The following PPP2R2B variants were observed in gnomAD, a reference collection of about 807,000 sequenced individuals.
PPP2R2B encodes protein phosphatase 2 regulatory subunit Bbeta, also known as serine/threonine-protein phosphatase 2A 55 kDa regulatory subunit B beta isoform.
Under a neutral mutation model 46.0 loss-of-function variants are expected in PPP2R2B, and 5 were observed. That is an observed-to-expected ratio of 0.11 (90% CI 0.06 to 0.23). The LOEUF (loss-of-function observed/expected upper bound fraction) is 0.23. Among genes scored for constraint, PPP2R2B ranks in the 10% least tolerant of loss-of-function variants. PPP2R2B has a pLI of 1.00. For synonymous variants in PPP2R2B, 215 were observed against 206.7 expected, an observed-to-expected ratio of 1.04 and a Z score of -0.34; for missense variants, 367 against 575.0, an observed-to-expected ratio of 0.64 and a Z score of 3.70.
chr5:146,723,575 C>T lies in PPP2R2B; in HGVS notation c.71-22433G>A, dbSNP rs117170550. ...AATGCTCGTTATTGTGAGTAATTAA[C>T]ACCTCAGAATAAACACATGAATCCT... On this transcript the variant is annotated intron_variant, in intron 2 of 9. Transcript: ENST00000394411. Among the ~76,000 whole-genome samples the T allele has an allele frequency of 1.0e-3, 153 of 152,218 alleles. 1 individual carries two copies. In the East Asian group the frequency reaches 0.015, roughly 15 times the overall value.
At chr5:147,053,248 CAAACA>C (rs369522871) in intron 1 of PPP2R2B, among the ~76,000 whole-genome samples, 76 of 146,190 alleles carry the variant, frequency 5.2e-4, no homozygotes, top group Middle Eastern at 3.8e-3. Flanking sequence ...ACAAAAAAAG[CAAACA>C]AAACAAAACA....
In PPP2R2B at chr5:146,734,679, C is replaced by G. The variant is rs1249703445; in HGVS notation, c.71-33537G>C. On this transcript the variant is annotated intron_variant, in intron 2 of 9. Transcript: ENST00000394411. ...TGTCTGTCCTCGTGAGACTGAGATGCAGCATCTTTCAAACTGAGACCCTCT... is the reference window on the plus strand; with the variant it reads ...TGTCTGTCCTCGTGAGACTGAGATGGAGCATCTTTCAAACTGAGACCCTCT... Among the ~76,000 whole-genome samples the G allele has an allele frequency of 2.6e-5, 4 of 152,252 alleles. No homozygotes were observed. In the East Asian group the frequency reaches 7.7e-4, roughly 29 times the overall value.
chr5:146,928,315 C>T (rs1763853485), intron 1 of PPP2R2B, among the ~76,000 whole-genome samples: 2 of 151,996 alleles, frequency 1.3e-5, no homozygotes, highest in South Asian at 2.1e-4. Context: ...CAAACTCCAA[C>T]TCTCTACATG....
At chr5:147,039,909 C>T (rs142333123) in intron 1 of PPP2R2B, among the ~76,000 whole-genome samples, 111 of 152,184 alleles carry the variant, frequency 7.3e-4, no homozygotes, top group African/African-American at 2.4e-3. Flanking sequence ...AACAAATGGC[C>T]CAACACTAAA....
At chr5:146,812,369 CTGTT>C in intron 2 of PPP2R2B, among the ~76,000 whole-genome samples, 1 of 147,418 alleles carries the variant, frequency 6.8e-6, no homozygotes, top group East Asian at 2.1e-4. Context: ...TAGTACTTAT[CTGTT>C]TGTTTATGTT....
chr5:147,019,052 A>G (rs1210120478), intron 1 of PPP2R2B, among the ~76,000 whole-genome samples: 1 of 152,186 alleles, frequency 6.6e-6, no homozygotes, highest in Non-Finnish European at 1.5e-5. Context: ...ATGTTCAGAG[A>G]GGTCAGTATT....
intron 1 of PPP2R2B, among the ~76,000 whole-genome samples, chr5:146,924,499 C>G (rs950693823): frequency 2.0e-5 from 3 of 151,852 alleles, no homozygotes; most frequent in African/African-American, 7.2e-5. Context: ...TAAGAAAGGA[C>G]AGGACAACAG....
Position 146,638,378 on chromosome 5 carries a change from G to A in PPP2R2B, c.663C>T (p.Leu221=). The change falls in exon 7 of 10, where the codon CTC becomes CTT. Residue 221 remains leucine, a synonymous_variant. Transcript: ENST00000394411. The part of the protein sequence containing the change: ...VDIKPANMEE[L]TEVITAAEFH... Reference sequence around the variant, plus strand: ...ACTCGGCTGCTGTGATCACCTCCGTGAGCTCCTCCATGTTGGCTGGCTTAA... The same window carrying A: ...ACTCGGCTGCTGTGATCACCTCCGTAAGCTCCTCCATGTTGGCTGGCTTAA... 1.9e-6 allele frequency: 3 copies of A among 1,612,078 alleles called. No homozygotes were observed. Among genetic ancestry groups the A allele is most frequent in the Non-Finnish European group, 2.5e-6 (3 of 1,178,390 alleles).
At chr5:146,650,182 T>C (rs1775863300) in intron 6 of PPP2R2B, among the ~76,000 whole-genome samples, 2 of 152,158 alleles carry the variant, frequency 1.3e-5, no homozygotes, top group African/African-American at 4.8e-5. Context: ...ATGTCTGTGG[T>C]CCATGCTGTC....
chr5:146,882,632 T>C (rs918250698), upstream of PPP2R2B, among the ~76,000 whole-genome samples: 4 of 152,212 alleles, frequency 2.6e-5, no homozygotes, highest in African/African-American at 9.6e-5. Context: ...TTTACTTTCG[T>C]CATCATCACC....
At chr5:146,693,416 T>C (rs1778997456) in intron 4 of PPP2R2B, among the ~76,000 whole-genome samples, 1 of 152,046 alleles carries the variant, frequency 6.6e-6, no homozygotes, top group East Asian at 1.9e-4. Flanking sequence ...GATTTTTTCA[T>C]GTTGCCCAGG....
At chr5:147,074,732 T>C (rs958615668) in intron 2 of PPP2R2B, among the ~76,000 whole-genome samples, 1 of 152,224 alleles carries the variant, frequency 6.6e-6, no homozygotes, top group Non-Finnish European at 1.5e-5. Flanking sequence ...GATTCCTCTT[T>C]GCAAGGAAGT....
At chr5:146,915,953 G>A (rs930921164) in intron 1 of PPP2R2B, among the ~76,000 whole-genome samples, 1 of 152,082 alleles carries the variant, frequency 6.6e-6, no homozygotes, top group Non-Finnish European at 1.5e-5. Context: ...ACCCTCCAGG[G>A]GTGATGGAAA....
At chr5:147,081,335 G>T in exon 1 of PPP2R2B, 1 of 1,521,258 alleles carries the variant, frequency 6.6e-7, no homozygotes, top group Non-Finnish European at 8.8e-7. Flanking sequence ...GTCCTGCTGT[G>T]AATCACTGCT....
intron 5 of PPP2R2B, among the ~76,000 whole-genome samples, chr5:146,667,495 A>C (rs902016514): frequency 6.6e-6 from 1 of 152,104 alleles, no homozygotes; most frequent in African/African-American, 2.4e-5. Flanking sequence ...ATGGAGAAAA[A>C]GAAGAAAGCA....
chr5:147,041,912 T>G (rs1756327438), intron 1 of PPP2R2B, among the ~76,000 whole-genome samples: 1 of 152,064 alleles, frequency 6.6e-6, no homozygotes, highest in South Asian at 2.1e-4. Flanking sequence ...CCACCTGAAT[T>G]GACCCTCCCT....
chr5:147,022,533 C>G (rs746433781), intron 1 of PPP2R2B, among the ~76,000 whole-genome samples: 13 of 150,666 alleles, frequency 8.6e-5, no homozygotes, highest in Admixed American at 2.0e-4. Context: ...GCACTCCAGC[C>G]TGGTGACAGA....
At chr5:147,077,304 ACACACACC>A (rs1365981866) in intron 2 of PPP2R2B, among the ~76,000 whole-genome samples, 466 of 146,436 alleles carry the variant, frequency 3.2e-3, no homozygotes, top group African/African-American at 7.8e-3. Flanking sequence ...ACACACACAC[ACACACACC>A]CACACCCACA....
At chr5:146,711,922 G>A (rs898553435) in intron 2 of PPP2R2B, among the ~76,000 whole-genome samples, 2 of 152,080 alleles carry the variant, frequency 1.3e-5, no homozygotes, top group African/African-American at 4.8e-5. Flanking sequence ...CAGAACTCAA[G>A]GAAACACATC....
Sources: allele counts gnomAD v4.1 joint callset (sites outside exome capture counted in the v4.1 genomes callset), GRCh38; gene constraint gnomAD v4.1.1; transcripts MANE v1.5; gene names NCBI Gene and HGNC (gene_info 2026-07-23, HGNC 2026-07-21).